The following RLF variants were observed in gnomAD, a reference collection of about 807,000 sequenced individuals.
The protein encoded by RLF is zinc finger protein Rlf.
A neutral mutation model predicts 162.9 loss-of-function variants in RLF; 7 were observed. The observed-to-expected ratio is 0.04, with a 90% CI of 0.02 to 0.08. The LOEUF (loss-of-function observed/expected upper bound fraction) is 0.08. RLF is among the 10% of genes least tolerant of loss of function. The pLI, the probability that RLF is intolerant of heterozygous loss-of-function variation, is 1.00. For missense variants in RLF, 1,664 were observed against 2,244.7 expected (o/e 0.74, Z 5.23); for synonymous variants, 782 against 791.5 (o/e 0.99, Z 0.20).
intron 1 of RLF, among the ~76,000 whole-genome samples, chr1:40,174,337 C>T (rs1642286071): frequency 6.6e-6 from 1 of 151,580 alleles, no homozygotes; most frequent in Admixed American, 6.6e-5. Flanking sequence ...CACCACTGCA[C>T]TCCAACATGG....
chr1:40,174,336 A>T (rs527472421), intron 1 of RLF, among the ~76,000 whole-genome samples: 1 of 151,968 alleles, frequency 6.6e-6, no homozygotes, highest in African/African-American at 2.4e-5. Context: ...GCACCACTGC[A>T]CTCCAACATG....
chr1:40,199,244 C>A (rs755881044), intron 4 of RLF, among the ~76,000 whole-genome samples: 1 of 152,128 alleles, frequency 6.6e-6, no homozygotes, highest in Non-Finnish European at 1.5e-5. Context: ...ATTAAACATC[C>A]GTAATATACA....
chr1:40,195,992 A>G (rs1642630151), intron 4 of RLF, among the ~76,000 whole-genome samples: 1 of 152,020 alleles, frequency 6.6e-6, no homozygotes, highest in South Asian at 2.1e-4. Context: ...TTGAGTAGCA[A>G]TGTTCATACA....
chr1:40,186,956 T>C (rs948557615), intron 1 of RLF, among the ~76,000 whole-genome samples: 2 of 152,294 alleles, frequency 1.3e-5, no homozygotes, highest in African/African-American at 4.8e-5. Flanking sequence ...GATTAGCCAA[T>C]GCAGACAGTA....
At chr1:40,199,668 C>T (rs1478958265) in intron 4 of RLF, among the ~76,000 whole-genome samples, 3 of 152,046 alleles carry the variant, frequency 2.0e-5, no homozygotes, top group East Asian at 1.9e-4. Context: ...ATTTGCAAGG[C>T]GATAGGTTGT....
In RLF at chr1:40,240,737, A is replaced by G; in HGVS notation, c.*290A>G. On this transcript the variant is annotated 3_prime_UTR_variant, in exon 8 of 8. Coordinates refer to ENST00000372771, the MANE Select transcript of RLF (RefSeq NM_012421.4). Reference sequence around the variant, plus strand: ...AATATACTGGGGCTTCCTTTTTCAAATTAAGTGTGCATGATTGTATATGGA... The same window carrying G: ...AATATACTGGGGCTTCCTTTTTCAAGTTAAGTGTGCATGATTGTATATGGA... The G allele has an allele frequency of 3.1e-6, 1 of 321,884 alleles. No individual in the cohort carries two copies. The highest frequency in any genetic ancestry group is 5.8e-6 in the Non-Finnish European group (1 of 171,418). The allele number at this position is 321,884 out of a possible 1,614,324, so 19.9% of individuals were successfully genotyped here.
At chr1:40,204,712 C>T (rs1642765728) in intron 5 of RLF, among the ~76,000 whole-genome samples, 1 of 152,092 alleles carries the variant, frequency 6.6e-6, no homozygotes, top group South Asian at 2.1e-4. Flanking sequence ...GTGAGCCACT[C>T]ACTGCACCCA....
At chr1:40,178,480 G>A (rs1374905367) in intron 1 of RLF, among the ~76,000 whole-genome samples, 1 of 152,030 alleles carries the variant, frequency 6.6e-6, no homozygotes, top group Non-Finnish European at 1.5e-5. Context: ...GTAGACGTTC[G>A]AGTGGCAGCA....
chr1:40,236,120 A>G lies in RLF; in HGVS notation c.1418A>G (p.Lys473Arg), dbSNP rs1285482169. 1.9e-6 allele frequency: 3 copies of G among 1,614,136 alleles called. No individual in the cohort carries two copies. The highest frequency in any genetic ancestry group is 2.5e-6 in the Non-Finnish European group (3 of 1,180,014). Residue 473 changes from lysine to arginine, a missense_variant, in exon 8 of 8, where the codon AAA (lysine) becomes AGA (arginine). Around this residue, in one of 15 missense-constraint regions of RLF, gnomAD observed 8 missense variants for 33.7 expected, o/e 0.24. Coordinates refer to ENST00000372771, the MANE Select transcript of RLF (RefSeq NM_012421.4). The surrounding 1 kb of genome is among the most constrained non-coding windows in gnomAD (Gnocchi z 7.7). Reference protein sequence around the residue: ...WPFDPEFWDWKTLKRHCHQLL... With the variant: ...WPFDPEFWDWRTLKRHCHQLL... ...TTTGATCCTGAGTTTTGGGACTGGAAAACTTTAAAACGACACTGCCACCAA... is the reference window on the plus strand; with the variant it reads ...TTTGATCCTGAGTTTTGGGACTGGAGAACTTTAAAACGACACTGCCACCAA...
chr1:40,221,305 T>C (rs1204118665), intron 5 of RLF, among the ~76,000 whole-genome samples: 1 of 151,234 alleles, frequency 6.6e-6, no homozygotes, highest in Non-Finnish European at 1.5e-5. Flanking sequence ...CTTACAGATT[T>C]GTCATGTTGA....
chr1:40,195,826 G>A (rs535586188), intron 4 of RLF, 62 bp downstream of exon 4: 6 of 1,509,688 alleles, frequency 4.0e-6, no homozygotes, highest in South Asian at 3.8e-5. Flanking sequence ...TTGATTATGG[G>A]TTAAAATTTT....
At chr1:40,192,160 T>C (rs891226789) in intron 3 of RLF, among the ~76,000 whole-genome samples, 5 of 152,240 alleles carry the variant, frequency 3.3e-5, no homozygotes, top group Admixed American at 6.5e-5. Flanking sequence ...GCAGTCCTAA[T>C]ATCTCACATA....
At chr1:40,232,241 A>G (rs1643162118) in intron 7 of RLF, among the ~76,000 whole-genome samples, 2 of 151,900 alleles carry the variant, frequency 1.3e-5, no homozygotes, top group Non-Finnish European at 2.9e-5. Flanking sequence ...GAACATTTCA[A>G]GGTAACTATA....
intron 2 of RLF, among the ~76,000 whole-genome samples, chr1:40,189,948 C>G (rs531098717): frequency 6.6e-6 from 1 of 152,296 alleles, no homozygotes; most frequent in South Asian, 2.1e-4. Context: ...TCACCTTGTT[C>G]AACTTACAGA....
chr1:40,214,933 A>AAAAC (rs1642905626), intron 5 of RLF, among the ~76,000 whole-genome samples: 4 of 150,094 alleles, frequency 2.7e-5, no homozygotes, highest in African/African-American at 9.8e-5. Context: ...AAAAAAAAAA[A>AAAAC]AAAAAAAAAA....
At chr1:40,178,996 G>A (rs1245877465) in intron 1 of RLF, among the ~76,000 whole-genome samples, 2 of 151,864 alleles carry the variant, frequency 1.3e-5, no homozygotes, top group Admixed American at 1.3e-4. Context: ...CACCACGCCC[G>A]GCTAATTTTT....
Position 40,239,288 on chromosome 1 carries a change from G to A in RLF, c.4586G>A (p.Ser1529Asn), listed in dbSNP as rs779395141. 5.0e-6 allele frequency: 8 copies of A among 1,614,106 alleles called. No homozygotes were observed. Among genetic ancestry groups the A allele is most frequent in the Non-Finnish European group, 5.9e-6 (7 of 1,180,024 alleles). Reference sequence around the variant, plus strand: ...ATCAAAGAAAAGAAAGCCCCAATAAGTTTTAAAACCAGAGCTGAGGCCCTC... The same window carrying A: ...ATCAAAGAAAAGAAAGCCCCAATAAATTTTAAAACCAGAGCTGAGGCCCTC... ...GLIKEKKAPISFKTRAEALHM... is the reference protein window; with the variant it reads ...GLIKEKKAPINFKTRAEALHM... Residue 1529 changes from serine (S) to asparagine (N), a missense_variant, in exon 8 of 8, where the codon AGT becomes AAT. Transcript: ENST00000372771.
chr1:40,239,458 G>A lies in RLF; in HGVS notation c.4756G>A (p.Glu1586Lys). Residue 1586 changes from glutamate (E) to lysine (K), a missense_variant, in exon 8 of 8, where the codon GAG (glutamate) becomes AAG (lysine). This residue lies in a region of RLF where 327 missense variants were observed against 342.7 expected (regional missense o/e 0.95). Transcript: ENST00000372771. ...MSSAYLEQQM[E>K]NLVVCVKYGT... is the part of the protein sequence containing the mutation. ...TAGTGCCTATTTAGAGCAACAGATG[G>A]AGAATCTTGTTGTTTGCGTTAAGTA... is the stretch of plus-strand genomic sequence containing the variant. 1 of 1,613,972 alleles carries A rather than the reference G, an allele frequency of 6.2e-7. No individual in the cohort carries two copies. The highest frequency in any genetic ancestry group is 8.5e-7 in the Non-Finnish European group (1 of 1,180,020).
chr1:40,208,003 A>G (rs1237678539), intron 5 of RLF, among the ~76,000 whole-genome samples: 3 of 152,246 alleles, frequency 2.0e-5, no homozygotes. Flanking sequence ...CCTGGCTCCT[A>G]GTAGTCTTTG....
Sources: allele counts gnomAD v4.1 joint callset (sites outside exome capture counted in the v4.1 genomes callset), GRCh38; gene constraint gnomAD v4.1.1; regional missense constraint gnomAD v4.1.1; non-coding constraint Gnocchi (gnomAD v3.1); transcripts MANE v1.5; gene names NCBI Gene and HGNC (gene_info 2026-07-23, HGNC 2026-07-21).